The following SLC2A13 variants were observed in gnomAD, a reference collection of about 807,000 sequenced individuals.
SLC2A13 encodes proton myo-inositol cotransporter.
In SLC2A13, 32 loss-of-function variants were observed where a neutral mutation model predicts 64.4. That is an observed-to-expected ratio of 0.50 (90% CI 0.37 to 0.67). The LOEUF is 0.67. Among genes scored for constraint, SLC2A13 ranks in the 30% least tolerant of loss-of-function variants. SLC2A13 has a pLI of 0.00. For missense variants in SLC2A13, 743 were observed against 829.2 expected, an observed-to-expected ratio of 0.90 and a Z score of 1.28; for synonymous variants, 338 against 327.1, an observed-to-expected ratio of 1.03 and a Z score of -0.36.
chr12:40,012,207 A>T (rs1947542979), intron 3 of SLC2A13, among the ~76,000 whole-genome samples: 2 of 152,236 alleles, frequency 1.3e-5, no homozygotes, highest in South Asian at 4.1e-4. Flanking sequence ...AAACCTACTA[A>T]ATTAGATTGA....
chr12:39,797,740 A>ACATATACG (rs10695272), intron 7 of SLC2A13, among the ~76,000 whole-genome samples: 3 of 131,370 alleles, frequency 2.3e-5, no homozygotes, highest in African/African-American at 3.0e-5. Context: ...ACACACACAC[A>ACATATACG]CACACACACA....
chr12:39,939,495 A>G (rs1421231493), intron 4 of SLC2A13, among the ~76,000 whole-genome samples: 3 of 152,192 alleles, frequency 2.0e-5, no homozygotes, highest in Admixed American at 2.0e-4. Flanking sequence ...CTGAGAAGCC[A>G]GTGGAGTTCA....
chr12:39,783,815 T>C (rs1941086302), intron 7 of SLC2A13, among the ~76,000 whole-genome samples: 1 of 152,182 alleles, frequency 6.6e-6, no homozygotes, highest in Non-Finnish European at 1.5e-5. Flanking sequence ...TGACTGTATA[T>C]TTAGAAAACC....
intron 7 of SLC2A13, among the ~76,000 whole-genome samples, chr12:39,816,659 G>A (rs1942350305): frequency 6.8e-6 from 1 of 146,612 alleles, no homozygotes; most frequent in South Asian, 2.1e-4. Context: ...TGTATTTTAG[G>A]GTATAAAGGA....
At chr12:39,771,750 G>A (rs1940586965) in intron 7 of SLC2A13, among the ~76,000 whole-genome samples, 1 of 152,062 alleles carries the variant, frequency 6.6e-6, no homozygotes, top group Non-Finnish European at 1.5e-5. Context: ...TAAGCGCCCT[G>A]ACCACCTCAC....
intron 3 of SLC2A13, among the ~76,000 whole-genome samples, chr12:39,952,496 C>T (rs1183618875): frequency 6.6e-6 from 1 of 152,134 alleles, no homozygotes; most frequent in African/African-American, 2.4e-5. Context: ...TATGTTGTCT[C>T]AGCAATAAAA....
chr12:39,955,151 A>C (rs755235043), intron 3 of SLC2A13, among the ~76,000 whole-genome samples: 54 of 152,206 alleles, frequency 3.5e-4, no homozygotes, highest in Admixed American at 1.6e-3. Flanking sequence ...ATTTAAAAGG[A>C]TTCAAGTCAT....
chr12:39,824,490 G>A (rs1942613718), intron 7 of SLC2A13, among the ~76,000 whole-genome samples: 1 of 152,208 alleles, frequency 6.6e-6, no homozygotes. Flanking sequence ...TTATACCTGT[G>A]TTCAATCGGA....
intron 4 of SLC2A13, among the ~76,000 whole-genome samples, chr12:39,936,587 T>C (rs1945921857): frequency 6.6e-6 from 1 of 152,134 alleles, no homozygotes; most frequent in African/African-American, 2.4e-5. Context: ...CTGTTGCAAA[T>C]AATATGAGCT....
At chr12:39,978,507 C>G (rs530106830) in intron 3 of SLC2A13, among the ~76,000 whole-genome samples, 1 of 152,286 alleles carries the variant, frequency 6.6e-6, no homozygotes, top group East Asian at 1.9e-4. Context: ...ATTGCCTCAC[C>G]TGGGAAGCGC....
At chr12:40,056,354 G>T (rs550048380) in intron 1 of SLC2A13, among the ~76,000 whole-genome samples, 1 of 152,192 alleles carries the variant, frequency 6.6e-6, no homozygotes, top group East Asian at 1.9e-4. Context: ...TTCTTGACTG[G>T]AAGTGATGGC....
chr12:40,031,824 T>G (rs1211700960), intron 2 of SLC2A13, among the ~76,000 whole-genome samples: 1 of 152,084 alleles, frequency 6.6e-6, no homozygotes, highest in Non-Finnish European at 1.5e-5. Flanking sequence ...TAATAAAAAT[T>G]TCAACATGAG....
At chr12:39,866,823 T>A (rs1201932913) in intron 5 of SLC2A13, among the ~76,000 whole-genome samples, 2 of 152,200 alleles carry the variant, frequency 1.3e-5, no homozygotes, top group Non-Finnish European at 2.9e-5. Flanking sequence ...TATGCTATGA[T>A]TATTATTACA....
At chr12:39,817,728 G>A (rs1483764443) in intron 7 of SLC2A13, among the ~76,000 whole-genome samples, 6 of 152,086 alleles carry the variant, frequency 3.9e-5, no homozygotes, top group Non-Finnish European at 8.8e-5. Flanking sequence ...TATAGCCAAC[G>A]TATGCAGATG....
chr12:40,015,944 A>T (rs1947613650), intron 3 of SLC2A13, among the ~76,000 whole-genome samples: 1 of 152,202 alleles, frequency 6.6e-6, no homozygotes, highest in Non-Finnish European at 1.5e-5. Context: ...TGCCACGCAC[A>T]GTACATGACA....
chr12:39,950,353 T>C (rs28370685), intron 4 of SLC2A13: 1 of 152,000 alleles, frequency 6.6e-6, no homozygotes, highest in African/African-American at 2.4e-5. Flanking sequence ...AGGCAGGGAG[T>C]GGGGAGGACT....
At chr12:40,086,036 A>G (rs565843941) in intron 1 of SLC2A13, among the ~76,000 whole-genome samples, 3 of 152,224 alleles carry the variant, frequency 2.0e-5, no homozygotes, top group African/African-American at 4.8e-5. Flanking sequence ...ACAGGGTTTC[A>G]CCATATTAGT....
intron 4 of SLC2A13, among the ~76,000 whole-genome samples, chr12:39,887,552 G>A (rs557218041): frequency 6.6e-6 from 1 of 152,348 alleles, no homozygotes; most frequent in South Asian, 2.1e-4. Context: ...TGTGTATCAC[G>A]GTGATGGTGG....
In SLC2A13 at chr12:39,800,334, G is replaced by A. The variant is rs147176090; in HGVS notation, c.1445+29769C>T. On this transcript the variant is annotated intron_variant, in intron 7 of 9. Transcript: ENST00000280871. ...GTATTTCCAAGGGGGGATTGAATTCGCAACCTACTCATCTGACAAAGGGCT... is the reference window on the plus strand; with the variant it reads ...GTATTTCCAAGGGGGGATTGAATTCACAACCTACTCATCTGACAAAGGGCT... Among the ~76,000 whole-genome samples, 21 of 152,148 alleles carry A rather than the reference G, an allele frequency of 1.4e-4. No homozygotes were observed. The East Asian group carries it at 1.9e-3, about 14-fold the overall frequency.
Sources: allele counts gnomAD v4.1 joint callset (sites outside exome capture counted in the v4.1 genomes callset), GRCh38; gene constraint gnomAD v4.1.1; transcripts MANE v1.5; gene names NCBI Gene and HGNC (gene_info 2026-07-23, HGNC 2026-07-21).